Variants in ENOX2 observed in about 807,000 individuals in gnomAD.
ENOX2 encodes APK1 antigen.
A neutral mutation model predicts 45.0 loss-of-function variants in ENOX2; 36 were observed. That is an observed-to-expected ratio of 0.80 (90% CI 0.61 to 1.06). The LOEUF (loss-of-function observed/expected upper bound fraction) is 1.06. Ranked by LOEUF, ENOX2 falls within the 50% of genes least tolerant of loss-of-function variation. The pLI is 0.00. For missense variants in ENOX2, 423 were observed against 462.5 expected, an observed-to-expected ratio of 0.91 and a Z score of 0.78; for synonymous variants, 174 against 152.3, an observed-to-expected ratio of 1.14 and a Z score of -1.05.
intron 2 of ENOX2, among the ~76,000 whole-genome samples, chrX:130,799,881 A>C (rs1036238622): frequency 3.6e-5 from 4 of 110,772 alleles, no homozygotes; most frequent in Non-Finnish European, 5.7e-5. Flanking sequence ...GCACCCCCCC[A>C]AAAAATTAAA....
chrX:130,797,394 C>T (rs1239362179), intron 2 of ENOX2, among the ~76,000 whole-genome samples: 1 of 111,887 alleles, frequency 8.9e-6, no homozygotes. Flanking sequence ...AGGTATTACT[C>T]TTATTTGGAA....
intron 3 of ENOX2, among the ~76,000 whole-genome samples, chrX:130,732,926 T>G (rs140678567): frequency 3.0e-4 from 33 of 111,850 alleles, no homozygotes; most frequent in African/African-American, 1.1e-3. Flanking sequence ...AACTCCTAGA[T>G]GAAAACAGGG....
intron 3 of ENOX2, among the ~76,000 whole-genome samples, chrX:130,754,576 A>T (rs2039306674): frequency 8.9e-6 from 1 of 111,828 alleles, no homozygotes; most frequent in African/African-American, 3.2e-5. Context: ...ACAAAATAAT[A>T]TATTTTGCAG....
intron 2 of ENOX2, among the ~76,000 whole-genome samples, chrX:130,874,851 G>C (rs945921650): frequency 8.2e-5 from 9 of 109,192 alleles, no homozygotes; most frequent in South Asian, 8.2e-4. Flanking sequence ...ACACATGCAT[G>C]CCCCCCCCGA....
chrX:130,749,975 G>A (rs2039179043), intron 3 of ENOX2, among the ~76,000 whole-genome samples: 2 of 109,770 alleles, frequency 1.8e-5, no homozygotes, highest in Admixed American at 2.0e-4. Flanking sequence ...TCTCTCTCAG[G>A]TTCTGTCTCT....
chrX:130,656,797 T>A, intron 9 of ENOX2, 102 bp from the exon 10 acceptor site: 2 of 508,737 alleles, frequency 3.9e-6, no homozygotes, highest in Non-Finnish European at 6.7e-6. Context: ...TTTTGACATA[T>A]TAGGAAAAAA....
chrX:130,887,416 G>A (rs1003276550), intron 2 of ENOX2, among the ~76,000 whole-genome samples: 3 of 104,737 alleles, frequency 2.9e-5, no homozygotes, highest in Admixed American at 2.1e-4. Context: ...TAGATCTGAC[G>A]CTTCTGTTTA....
chrX:130,742,470 C>G (rs2039008463), intron 3 of ENOX2, among the ~76,000 whole-genome samples: 1 of 109,285 alleles, frequency 9.2e-6, no homozygotes. Context: ...CTACAGGGCT[C>G]TCTACTTGAC....
At chrX:130,817,445 A>C (rs749331328) in intron 2 of ENOX2, among the ~76,000 whole-genome samples, 6 of 111,751 alleles carry the variant, frequency 5.4e-5, no homozygotes, top group Admixed American at 3.8e-4. Context: ...TGATACCAAA[A>C]CCTGGCAGAG....
At chrX:130,807,542 C>T (rs1337728102) in intron 2 of ENOX2, among the ~76,000 whole-genome samples, 1 of 111,675 alleles carries the variant, frequency 9.0e-6, no homozygotes, top group African/African-American at 3.3e-5. Flanking sequence ...ATGGCAGATC[C>T]AGCACTAGAC....
intron 2 of ENOX2, among the ~76,000 whole-genome samples, chrX:130,799,305 T>C (rs750926631): frequency 2.1e-4 from 23 of 112,004 alleles, no homozygotes; most frequent in African/African-American, 7.1e-4. Flanking sequence ...CTTATATCAG[T>C]GGTTTGCCAG....
chrX:130,624,543 A>G lies in ENOX2; in HGVS notation c.*771T>C, dbSNP rs1320355634. 8.9e-6 allele frequency: 1 copy of G among 112,704 alleles called. No homozygotes were observed. The highest frequency in any genetic ancestry group is 9.4e-5 in the Admixed American group (1 of 10,650). The allele number at this position is 112,704 out of a possible 1,213,427, so 9.3% of individuals were successfully genotyped here. A position where few individuals can be genotyped will look rare whatever the true frequency, so the allele number is the denominator to read the frequency against. ...CACACATGAGCATATTTTAATTCAC[A>G]GAAAACTGAACATGCCCTCCTTTAA... On this transcript the variant is annotated 3_prime_UTR_variant, in exon 15 of 15. Transcript: ENST00000394363.
chrX:130,759,551 C>T (rs2039426473), intron 3 of ENOX2, among the ~76,000 whole-genome samples: 1 of 92,375 alleles, frequency 1.1e-5, no homozygotes, highest in African/African-American at 4.3e-5. Context: ...GCACTCCAGC[C>T]TGGGTGACAG....
intron 4 of ENOX2, 141 bp from the exon 5 acceptor site, chrX:130,689,159 G>A: frequency 2.2e-6 from 1 of 453,006 alleles, no homozygotes; most frequent in Non-Finnish European, 3.6e-6. Context: ...AGTATTCCCA[G>A]GTCTTAAATA....
chrX:130,826,191 T>C (rs923418961), intron 2 of ENOX2, among the ~76,000 whole-genome samples: 2 of 111,616 alleles, frequency 1.8e-5, no homozygotes, highest in African/African-American at 3.3e-5. Flanking sequence ...CAACTATCAA[T>C]AGTCACATTC....
At chrX:130,762,361 G>A (rs1447573522) in intron 3 of ENOX2, among the ~76,000 whole-genome samples, 1 of 111,954 alleles carries the variant, frequency 8.9e-6, no homozygotes, top group Non-Finnish European at 1.9e-5. Flanking sequence ...GATCACTTGA[G>A]GCCAGGACTT....
chrX:130,647,423 T>TA (rs1346061440), intron 10 of ENOX2, among the ~76,000 whole-genome samples: 4 of 112,489 alleles, frequency 3.6e-5, no homozygotes, highest in Non-Finnish European at 5.6e-5. Flanking sequence ...AGAAGAGTCT[T>TA]ACTCCTACCC....
intron 10 of ENOX2, among the ~76,000 whole-genome samples, chrX:130,639,651 A>T (rs763737092): frequency 2.3e-4 from 26 of 111,891 alleles, no homozygotes; most frequent in Admixed American, 1.6e-3. Context: ...ATTTTTTTTT[A>T]AAAAACTATG....
intron 6 of ENOX2, among the ~76,000 whole-genome samples, chrX:130,676,316 G>GT (rs780671319): frequency 1.9e-3 from 210 of 111,557 alleles, no homozygotes; most frequent in African/African-American, 6.5e-3. Flanking sequence ...TTTTGTAAGG[G>GT]ATTTTTTTTT....
Sources: gnomAD v4.1 joint callset for allele counts (sites outside exome capture counted in the v4.1 genomes callset) on GRCh38, gnomAD v4.1.1 for gene constraint, MANE v1.5 for transcripts, NCBI Gene and HGNC (gene_info 2026-07-23, HGNC 2026-07-21) for gene names.